LTN1: variants seen among roughly 807,000 people sequenced by gnomAD.
LTN1 encodes the protein listerin E3 ubiquitin protein ligase 1.
In LTN1, 88 loss-of-function variants were observed where a neutral mutation model predicts 201.2. The ratio of observed to expected loss-of-function variants is 0.44; its 90% CI spans 0.37 to 0.52. The LOEUF is 0.52. LTN1 is among the 20% of genes least tolerant of loss of function. The pLI, the probability that LTN1 is intolerant of heterozygous loss-of-function variation, is 0.00. For missense variants in LTN1, 1,752 were observed against 2,038.7 expected, an observed-to-expected ratio of 0.86 and a Z score of 2.71; for synonymous variants, 645 against 713.5, an observed-to-expected ratio of 0.90 and a Z score of 1.53.
chr21:28,990,323 C>G lies in LTN1; in HGVS notation c.42+2441G>C, dbSNP rs570222459. On this transcript the variant is annotated intron_variant, in intron 1 of 29. Transcript: ENST00000361371. The stretch of plus-strand genomic sequence containing the variant: ...TGCCACATTAAAGTTAAAATCCCAA[C>G]TCCACAACTTCCTGGCTACATGAGC... 5.3e-5 allele frequency among the ~76,000 whole-genome samples: 8 copies of G among 152,352 alleles called. No individual in the cohort carries two copies. The South Asian group carries it at 1.7e-3, about 32-fold the overall frequency.
At chr21:28,987,310 TATTTCTAACTTTC>T (rs1224341489) in intron 1 of LTN1, among the ~76,000 whole-genome samples, 4 of 152,248 alleles carry the variant, frequency 2.6e-5, no homozygotes, top group African/African-American at 7.2e-5. Context: ...ATGAATTTTT[TATTTCTAACTTTC>T]ATATAAATAG....
At chr21:28,939,333 AT>A (rs2084279925) in intron 25 of LTN1, among the ~76,000 whole-genome samples, 1 of 152,182 alleles carries the variant, frequency 6.6e-6, no homozygotes, top group Non-Finnish European at 1.5e-5. Context: ...ATATCAAGGG[AT>A]GACTATATAC....
intron 18 of LTN1, among the ~76,000 whole-genome samples, chr21:28,949,599 T>C (rs991775695): frequency 1.3e-5 from 2 of 152,206 alleles, no homozygotes; most frequent in Admixed American, 6.5e-5. Flanking sequence ...TATCTGTCTT[T>C]TTGTAACTGG....
intron 20 of LTN1, 48 bp downstream of exon 20, chr21:28,946,104 G>T (rs1317236443): frequency 5.9e-6 from 9 of 1,519,316 alleles, no homozygotes; most frequent in Non-Finnish European, 8.0e-6. Context: ...CGTAATCTTT[G>T]TCTGAATTGT....
At chr21:28,960,794 T>C in intron 11 of LTN1, 88 bp from the exon 12 acceptor site, 1 of 848,884 alleles carries the variant, frequency 1.2e-6, no homozygotes. Context: ...TTACTATCCC[T>C]TCGTTATCAT....
rs1291499127 is a variant in LTN1, at chr21:28,953,501, G to T, written c.3080-125C>A. 5 of 596,968 alleles carry T rather than the reference G, an allele frequency of 8.4e-6. No individual in the cohort carries two copies. In the East Asian group the frequency reaches 1.3e-4, roughly 15 times the overall value. The allele number at this position is 596,968 out of a possible 1,614,324, so 37.0% of individuals were successfully genotyped here. A position where few individuals can be genotyped will look rare whatever the true frequency, so the allele number is the denominator to read the frequency against. The stretch of plus-strand genomic sequence containing the variant: ...ACTCATCTCAAAACTCCTATGAACT[G>T]ATTTTTCAAATCTGCTTTGAGATGT... On this transcript the variant is annotated intron_variant, in intron 16 of 29. Transcript: ENST00000361371.
chr21:28,955,655 T>G (rs894923268), intron 16 of LTN1, among the ~76,000 whole-genome samples: 2 of 151,552 alleles, frequency 1.3e-5, no homozygotes, highest in African/African-American at 4.9e-5. Context: ...CCAGGCACGG[T>G]AGCTCACTTC....
chr21:28,954,414 A>T (rs2084408213), intron 16 of LTN1, among the ~76,000 whole-genome samples: 1 of 152,138 alleles, frequency 6.6e-6, no homozygotes, highest in Admixed American at 6.6e-5. Flanking sequence ...CACCACCTAT[A>T]ATTCTAAACC....
At chr21:28,959,315 G>T in intron 13 of LTN1, 143 bp downstream of exon 13, 1 of 935,936 alleles carries the variant, frequency 1.1e-6, no homozygotes, top group Non-Finnish European at 1.6e-6. Flanking sequence ...AGCTGAAAGT[G>T]TTTAAGACTG....
chr21:28,937,966 C>T (rs566836765), intron 25 of LTN1, among the ~76,000 whole-genome samples: 29 of 152,092 alleles, frequency 1.9e-4, no homozygotes, highest in Admixed American at 7.9e-4. Flanking sequence ...TAAAAATTAA[C>T]CACAATCTAA....
At position 28,944,416 on chromosome 21, in the gene LTN1, T is replaced by C; in HGVS notation, c.3949A>G (p.Ser1317Gly). The change falls in exon 22 of 30, where the codon AGT becomes GGT. Residue 1317 changes from serine to glycine, a missense_variant. Ser to Gly is a moderately conservative substitution (Grantham distance 56). Around this residue, in one of 3 missense-constraint regions of LTN1, gnomAD observed 1,211 missense variants for 1,312.8 expected, o/e 0.92. Coordinates refer to ENST00000361371, the MANE Select transcript of LTN1 (RefSeq NM_015565.3). Reference sequence around the variant, plus strand: ...GTCACCAAAATAGGTAAAAGCAAACTGTGGATGCCTTGGGAAAAAAATTCT... The same window carrying C: ...GTCACCAAAATAGGTAAAAGCAAACCGTGGATGCCTTGGGAAAAAAATTCT... ...WKEFFSQGIH[S>G]LLLPILVTVT... 1.2e-6 allele frequency: 2 copies of C among 1,613,928 alleles called. No homozygotes were observed. The highest frequency in any genetic ancestry group is 1.7e-6 in the Non-Finnish European group (2 of 1,179,818).
chr21:28,957,980 G>T (rs1292188283), intron 14 of LTN1, among the ~76,000 whole-genome samples: 1 of 152,188 alleles, frequency 6.6e-6, no homozygotes, highest in Non-Finnish European at 1.5e-5. Context: ...ACAAAGGATA[G>T]TATCACCATC....
At chr21:28,967,795 G>A (rs982184831) in intron 9 of LTN1, 6 of 152,390 alleles carry the variant, frequency 3.9e-5, no homozygotes, top group African/African-American at 1.4e-4. Context: ...ATTGGCATCA[G>A]AAGTGGGGAG....
intron 18 of LTN1, among the ~76,000 whole-genome samples, chr21:28,951,338 TA>T (rs2084380796): frequency 6.6e-6 from 1 of 152,242 alleles, no homozygotes; most frequent in South Asian, 2.1e-4. Context: ...TGCCTCTTGG[TA>T]AATCTCAGCT....
intron 1 of LTN1, among the ~76,000 whole-genome samples, chr21:28,990,831 G>A (rs185794043): frequency 1.1e-3 from 166 of 152,190 alleles, no homozygotes; most frequent in African/African-American, 3.0e-3. Flanking sequence ...TCCTCTCCCC[G>A]CTTAAACAGT....
chr21:28,986,445 CA>C lies in LTN1; in HGVS notation c.247-209del, dbSNP rs1336294815. 14 of 677,796 alleles carry C rather than the reference CA, an allele frequency of 2.1e-5. No homozygotes were observed. Among genetic ancestry groups the C allele is most frequent in the Admixed American group, 1.5e-4 (7 of 45,254 alleles). 42.0% of individuals were successfully genotyped at this position (677,796 alleles called of 1,614,324 possible). On this transcript the variant is annotated intron_variant, in intron 2 of 29. Coordinates refer to ENST00000361371, the MANE Select transcript of LTN1 (RefSeq NM_015565.3). The surrounding 1 kb of genome is among the most constrained non-coding windows in gnomAD (Gnocchi z 4.1). ...TTTTTAAAAATAAAACATCTACAAA[CA>C]AAAAAACCTCATTTAAAGTTACAAG...
At chr21:28,979,045 T>C (rs2084638418) in intron 6 of LTN1, among the ~76,000 whole-genome samples, 3 of 152,228 alleles carry the variant, frequency 2.0e-5, no homozygotes, top group East Asian at 1.9e-4. Flanking sequence ...GGTTATGTAG[T>C]AGCAGCTAAA....
intron 6 of LTN1, among the ~76,000 whole-genome samples, chr21:28,972,456 G>A (rs993194983): frequency 5.0e-5 from 7 of 141,056 alleles, no homozygotes; most frequent in Non-Finnish European, 9.0e-5. Context: ...CCATATCCAC[G>A]GGTTCCTCAT....
At position 28,943,927 on chromosome 21, in the gene LTN1, C is replaced by A. The variant is rs764967701; in HGVS notation, c.3983-23G>T. The A allele has an allele frequency of 4.9e-6, 7 of 1,431,368 alleles. No homozygotes were observed. The Admixed American group carries it at 1.2e-4, about 24-fold the overall frequency. The allele number at this position is 1,431,368 out of a possible 1,614,324, so 88.7% of individuals were successfully genotyped here. A position where few individuals can be genotyped will look rare whatever the true frequency, so the allele number is the denominator to read the frequency against. On this transcript the variant is annotated intron_variant, in intron 22 of 29. Transcript: ENST00000361371. ...CTCCTAATGACAAAAAGGAAAGAAA[C>A]ATGCACGTCTCAAAAGAAAGTTAGT...
Sources: allele counts gnomAD v4.1 joint callset (sites outside exome capture counted in the v4.1 genomes callset), GRCh38; gene constraint gnomAD v4.1.1; regional missense constraint gnomAD v4.1.1; non-coding constraint Gnocchi (gnomAD v3.1); transcripts MANE v1.5; gene names NCBI Gene and HGNC (gene_info 2026-07-23, HGNC 2026-07-21).